The following CHD5 variants were observed in gnomAD, a reference collection of about 807,000 sequenced individuals.
CHD5 encodes the protein chromodomain helicase DNA binding protein 5, also known as ATP-dependent chromatin remodeler CHD5.
Under a neutral mutation model 230.3 loss-of-function variants are expected in CHD5, and 69 were observed. That is an observed-to-expected ratio of 0.30 (90% CI 0.25 to 0.37). The LOEUF (loss-of-function observed/expected upper bound fraction) is 0.37, where lower values mean the gene tolerates loss of function less well. Ranked by LOEUF, CHD5 falls within the 10% of genes least tolerant of loss-of-function variation. The pLI is 1.00. For synonymous variants in CHD5, 1,064 were observed against 1,065.9 expected (o/e 1.00, Z 0.03); for missense variants, 1,827 against 2,622.8 (o/e 0.70, Z 6.63).
rs1439056570 is a variant in CHD5 at position 6,136,724 on chromosome 1, C to T, written c.2574+4G>A. 6.2e-7 allele frequency: 1 copy of T among 1,607,510 alleles called. No individual in the cohort carries two copies. The highest frequency in any genetic ancestry group is 1.7e-5 in the Admixed American group (1 of 59,678). ...TCTGGGGTCTGGCGGCCAGCGCCAC[C>T]TACCTTGGACTGGTTGTTCTTGAGG... On this transcript the variant is annotated splice_donor_region_variant and intron_variant, in intron 16 of 41. Coordinates refer to ENST00000262450, the MANE Select transcript of CHD5 (RefSeq NM_015557.3).
intron 3 of CHD5, among the ~76,000 whole-genome samples, chr1:6,158,312 G>A (rs1294036160): frequency 6.6e-6 from 1 of 152,234 alleles, no homozygotes; most frequent in South Asian, 2.1e-4. Flanking sequence ...TCTGCCCCAC[G>A]TGCAGTAGGA....
chr1:6,173,400 G>A lies in CHD5; in HGVS notation c.80-5123C>T, dbSNP rs965418805. Among the ~76,000 whole-genome samples, 14 of 152,084 alleles carry A rather than the reference G, an allele frequency of 9.2e-5. No individual in the cohort carries two copies. The East Asian group carries it at 1.9e-3, about 21-fold the overall frequency. On this transcript the variant is annotated intron_variant, in intron 1 of 41. Coordinates refer to ENST00000262450, the MANE Select transcript of CHD5 (RefSeq NM_015557.3). ...ATTACAGGCATGAGCCACCGCGCCC[G>A]GCCGAGAGGGGCTATTTCTGTTCCC...
At chr1:6,133,662 G>T (rs1666693211) in intron 20 of CHD5, among the ~76,000 whole-genome samples, 1 of 152,254 alleles carries the variant, frequency 6.6e-6, no homozygotes, top group South Asian at 2.1e-4. Flanking sequence ...TGCCAGCACA[G>T]AGCCTGACTA....
intron 1 of CHD5, among the ~76,000 whole-genome samples, chr1:6,169,092 G>C (rs1215705421): frequency 6.6e-6 from 1 of 151,940 alleles, no homozygotes; most frequent in Non-Finnish European, 1.5e-5. Flanking sequence ...GAGGACCCCA[G>C]GGGTTTGCAG....
chr1:6,130,353 G>T lies in CHD5; in HGVS notation c.3263-25C>A. ...GCTGAAAAAGAGAGGCCAGCAGATG[G>T]GAGTGTTTGGGGGGGTACACCTTGG... On this transcript the variant is annotated intron_variant, in intron 21 of 41. Transcript: ENST00000262450. The surrounding 1 kb of genome is among the most constrained non-coding windows in gnomAD (Gnocchi z 4.9). The T allele has an allele frequency of 6.2e-7, 1 of 1,611,574 alleles. No individual in the cohort carries two copies. The highest frequency in any genetic ancestry group is 1.1e-5 in the South Asian group (1 of 91,022).
At chr1:6,110,561 T>G (rs772169481) in intron 36 of CHD5, 35 bp from the exon 37 acceptor site, 1 of 1,609,186 alleles carries the variant, frequency 6.2e-7, no homozygotes, top group South Asian at 1.1e-5. Flanking sequence ...AACCTGGCCG[T>G]TAGAAGTGGT....
Position 6,155,130 on chromosome 1 carries a change from AC to A in CHD5, c.507-233del, listed in dbSNP as rs555968712. ...CCAAAACACCCAGCTTCCTGTCCAC[AC>A]CCACAGCCCACCCCCAAAACACCCA... On this transcript the variant is annotated intron_variant, in intron 4 of 41. Coordinates refer to ENST00000262450, the MANE Select transcript of CHD5 (RefSeq NM_015557.3). This position sits in a 1 kb window ranked among gnomAD's most constrained non-coding sequence, Gnocchi z 4.0. Among the ~76,000 whole-genome samples, 1 of 97,308 alleles carries A rather than the reference AC, an allele frequency of 1.0e-5. No individual in the cohort carries two copies. Among genetic ancestry groups the A allele is most frequent in the East Asian group, 4.1e-4 (1 of 2,450 alleles). 63.8% of individuals were successfully genotyped at this position (97,308 alleles called of 152,430 possible). A position where few individuals can be genotyped will look rare whatever the true frequency, so the allele number is the denominator to read the frequency against.
intron 1 of CHD5, among the ~76,000 whole-genome samples, chr1:6,178,590 T>C (rs906247101): frequency 4.3e-4 from 66 of 152,114 alleles, no homozygotes; most frequent in African/African-American, 1.5e-3. Flanking sequence ...ACCCAGGATA[T>C]GACAGTCAAC....
chr1:6,175,302 AATGAATGGATGGTGGATGG>A (rs1186632696), intron 1 of CHD5, among the ~76,000 whole-genome samples: 9 of 119,866 alleles, frequency 7.5e-5, no homozygotes, highest in African/African-American at 2.7e-4. Flanking sequence ...TGGATGGATG[AATGAATGGATGGTGGATGG>A]ATGAATGGAT....
At chr1:6,168,331 C>T in intron 1 of CHD5, 54 bp from the exon 2 acceptor site, 1 of 1,536,606 alleles carries the variant, frequency 6.5e-7, no homozygotes, top group Non-Finnish European at 8.8e-7. Context: ...CCAGGAGAGC[C>T]CTGGAGACAC....
Position 6,151,068 on chromosome 1 carries a change from C to A in CHD5, c.958G>T (p.Gly320Cys). 1 of 1,600,764 alleles carries A rather than the reference C, an allele frequency of 6.2e-7. No individual in the cohort carries two copies. The highest frequency in any genetic ancestry group is 8.5e-7 in the Non-Finnish European group (1 of 1,172,296). The change falls in exon 7 of 42, where the codon GGC becomes TGC. Residue 320 changes from glycine (G) to cysteine (C), a missense_variant. Physicochemically the swap from Gly to Cys is radical, Grantham distance 159 (BLOSUM62 -3). This residue lies in a region of CHD5 where 657 missense variants were observed against 816.4 expected (regional missense o/e 0.80). Coordinates refer to ENST00000262450, the MANE Select transcript of CHD5 (RefSeq NM_015557.3). ...SVRSECSAALGKKSKRRRKKK... is the reference protein window; with the variant it reads ...SVRSECSAALCKKSKRRRKKK... ...TTGCGCCTCCTCTTGCTCTTCTTGCCCAGGGCTGCAGAGCATTCGGAGCGC... is the reference window on the plus strand; with the variant it reads ...TTGCGCCTCCTCTTGCTCTTCTTGCACAGGGCTGCAGAGCATTCGGAGCGC...
Position 6,121,674 on chromosome 1 carries a change from G to A in CHD5, c.4700-101C>T, listed in dbSNP as rs1269810305. On this transcript the variant is annotated intron_variant, in intron 31 of 41. Coordinates refer to ENST00000262450, the MANE Select transcript of CHD5 (RefSeq NM_015557.3). This position sits in a 1 kb window ranked among gnomAD's most constrained non-coding sequence, Gnocchi z 4.5. ...GAGGAGAGATGGGGGCTTGGCCTTC[G>A]GGAGGCTCCACTGCAGCCAAGCACC... 46 of 780,698 alleles carry A rather than the reference G, an allele frequency of 5.9e-5. No individual in the cohort carries two copies. In the South Asian group the frequency reaches 6.2e-4, roughly 10 times the overall value. The allele number at this position is 780,698 out of a possible 1,614,324, so 48.4% of individuals were successfully genotyped here.
At chr1:6,161,918 G>C (rs577641157) in intron 2 of CHD5, among the ~76,000 whole-genome samples, 16 of 152,306 alleles carry the variant, frequency 1.1e-4, no homozygotes, top group Admixed American at 7.2e-4. Context: ...ATGAAGTTGA[G>C]GGACCCACGG....
intron 33 of CHD5, among the ~76,000 whole-genome samples, chr1:6,119,748 T>C (rs1424950959): frequency 2.0e-5 from 3 of 151,356 alleles, no homozygotes; most frequent in Admixed American, 6.6e-5. Context: ...GGTACATATG[T>C]ACGTACATAC....
intron 3 of CHD5, among the ~76,000 whole-genome samples, chr1:6,157,155 C>T (rs1667092928): frequency 6.6e-6 from 1 of 152,206 alleles, no homozygotes; most frequent in South Asian, 2.1e-4. Flanking sequence ...GAGCTGCCCC[C>T]ACCCAACCTG....
At chr1:6,173,870 G>A (rs1667378036) in intron 1 of CHD5, among the ~76,000 whole-genome samples, 1 of 152,184 alleles carries the variant, frequency 6.6e-6, no homozygotes, top group Non-Finnish European at 1.5e-5. Flanking sequence ...GGCAAAGGGG[G>A]GCAGTACACC....
In CHD5 at chr1:6,125,274, AGGG is replaced by A; in HGVS notation, c.4261-44_4261-42del. On this transcript the variant is annotated intron_variant, in intron 28 of 41. Coordinates refer to ENST00000262450, the MANE Select transcript of CHD5 (RefSeq NM_015557.3). This position sits in a 1 kb window ranked among gnomAD's most constrained non-coding sequence, Gnocchi z 6.7. ...GTGGGAGTATGAGCCCAGGACAGAG[AGGG>A]GTGGGGGTGGAGGATTCTGGGATGG... The A allele has an allele frequency of 1.5e-6, 1 of 653,208 alleles. No homozygotes were observed. Among genetic ancestry groups the A allele is most frequent in the Non-Finnish European group, 2.3e-6 (1 of 429,712 alleles). The allele number at this position is 653,208 out of a possible 1,614,324, so 40.5% of individuals were successfully genotyped here.
chr1:6,155,029 G>A lies in CHD5; in HGVS notation c.507-131C>T, dbSNP rs1042879324. The stretch of plus-strand genomic sequence containing the variant: ...GCAGCCCCAGGTTCCTGATTAGAGA[G>A]ATTAGGCGGGAAACCCACTGACCAC... On this transcript the variant is annotated intron_variant, in intron 4 of 41. Coordinates refer to ENST00000262450, the MANE Select transcript of CHD5 (RefSeq NM_015557.3). The surrounding 1 kb of genome is among the most constrained non-coding windows in gnomAD (Gnocchi z 4.0). 2.4e-6 allele frequency: 2 copies of A among 839,214 alleles called. No individual in the cohort carries two copies. The highest frequency in any genetic ancestry group is 3.5e-5 in the African/African-American group (2 of 57,892). 52.0% of individuals were successfully genotyped at this position (839,214 alleles called of 1,614,324 possible). A position where few individuals can be genotyped will look rare whatever the true frequency, so the allele number is the denominator to read the frequency against.
In CHD5 at chr1:6,180,163, AC is replaced by A. The variant is rs1293010974; in HGVS notation, c.-141del. 10 of 52,320 alleles carry A rather than the reference AC, an allele frequency of 1.9e-4. No individual in the cohort carries two copies. The highest frequency in any genetic ancestry group is 3.4e-4 in the Non-Finnish European group (10 of 29,224). 3.2% of individuals were successfully genotyped at this position (52,320 alleles called of 1,614,324 possible). A position where few individuals can be genotyped will look rare whatever the true frequency, so the allele number is the denominator to read the frequency against. Reference sequence around the variant, plus strand: ...GAAGATGGCGGCCGCCTGCCCCCCCACCCCCCCAAACCTCCACCCCCCCGTC... The same window carrying A: ...GAAGATGGCGGCCGCCTGCCCCCCCACCCCCCAAACCTCCACCCCCCCGTC... On this transcript the variant is annotated 5_prime_UTR_variant, in exon 1 of 42. Coordinates refer to ENST00000262450, the MANE Select transcript of CHD5 (RefSeq NM_015557.3).
Sources: allele counts gnomAD v4.1 joint callset (sites outside exome capture counted in the v4.1 genomes callset), GRCh38; gene constraint gnomAD v4.1.1; regional missense constraint gnomAD v4.1.1; non-coding constraint Gnocchi (gnomAD v3.1); transcripts MANE v1.5; gene names NCBI Gene and HGNC (gene_info 2026-07-23, HGNC 2026-07-21).